The following TMEM117 variants were observed in gnomAD, a reference collection of about 807,000 sequenced individuals.
TMEM117 encodes transmembrane protein 117.
In TMEM117, 27 loss-of-function variants were observed where a neutral mutation model predicts 52.4. That is an observed-to-expected ratio of 0.51 (90% CI 0.38 to 0.71). TMEM117 has a LOEUF of 0.71. Ranked by LOEUF, TMEM117 falls within the 30% of genes least tolerant of loss-of-function variation. TMEM117 has a pLI of 0.00. For synonymous variants in TMEM117, 215 were observed against 206.3 expected, an observed-to-expected ratio of 1.04 and a Z score of -0.36; for missense variants, 556 against 630.5, an observed-to-expected ratio of 0.88 and a Z score of 1.26.
At chr12:43,881,423 T>C (rs1253289431) in intron 2 of TMEM117, among the ~76,000 whole-genome samples, 1 of 152,216 alleles carries the variant, frequency 6.6e-6, no homozygotes, top group Non-Finnish European at 1.5e-5. Flanking sequence ...TTATATTGAT[T>C]ATGTGTTGAC....
chr12:44,223,761 A>G (rs1949821965), intron 5 of TMEM117, among the ~76,000 whole-genome samples: 1 of 152,176 alleles, frequency 6.6e-6, no homozygotes, highest in Admixed American at 6.6e-5. Context: ...TCAGCCAACC[A>G]GAGCTTATAC....
chr12:43,942,499 G>A (rs981241451), intron 2 of TMEM117, among the ~76,000 whole-genome samples: 5 of 152,136 alleles, frequency 3.3e-5, no homozygotes, highest in South Asian at 4.1e-4. Context: ...TTAGTAGAAC[G>A]TTTTCCACTT....
At chr12:43,895,708 C>T (rs1731446) in intron 2 of TMEM117, among the ~76,000 whole-genome samples, 150,709 of 152,286 alleles carry the variant, frequency 0.99, 74,602 homozygotes, top group Non-Finnish European at 1. Context: ...TCTGGTGCTA[C>T]AATTTAGTCT....
chr12:44,136,641 C>T (rs1011975072), intron 3 of TMEM117, among the ~76,000 whole-genome samples: 1 of 151,934 alleles, frequency 6.6e-6, no homozygotes, highest in African/African-American at 2.4e-5. Flanking sequence ...CAAATTGGTG[C>T]ACTAAATCAT....
At chr12:44,128,617 C>T (rs1001596232) in intron 3 of TMEM117, among the ~76,000 whole-genome samples, 1 of 152,138 alleles carries the variant, frequency 6.6e-6, no homozygotes, top group Non-Finnish European at 1.5e-5. Context: ...GCTTTTCTTT[C>T]AGGGCTGGGT....
intron 2 of TMEM117, among the ~76,000 whole-genome samples, chr12:43,894,578 T>G (rs550143028): frequency 1.3e-5 from 2 of 152,094 alleles, no homozygotes; most frequent in Non-Finnish European, 2.9e-5. Context: ...TAGGCCCCAG[T>G]GTATACTGCT....
chr12:44,105,234 T>C lies in TMEM117; in HGVS notation c.411-38291T>C, dbSNP rs144028884. On this transcript the variant is annotated intron_variant, in intron 3 of 7. Coordinates refer to ENST00000266534, the MANE Select transcript of TMEM117 (RefSeq NM_032256.3). ...ACATAGCCTCAAGCACAGAGAGTCT[T>C]TCCTCAAGTGTTCCTAGTTTACTAA... Among the ~76,000 whole-genome samples, 788 of 152,098 alleles carry C rather than the reference T, an allele frequency of 5.2e-3. 5 individuals are homozygous for C. Among genetic ancestry groups the C allele is most frequent in the Non-Finnish European group, 8.7e-3 (589 of 67,938 alleles).
chr12:44,259,681 C>T (rs1950299199), intron 5 of TMEM117, among the ~76,000 whole-genome samples: 1 of 152,066 alleles, frequency 6.6e-6, no homozygotes. Flanking sequence ...TGTTTCCATG[C>T]ATCCTTATTG....
chr12:43,820,362 C>T, the TMEM117 span, among the ~76,000 whole-genome samples: 1 of 152,208 alleles, frequency 6.6e-6, no homozygotes, highest in Non-Finnish European at 1.5e-5. Context: ...CAAGCTCCGC[C>T]TCCCGGGTTC....
At chr12:44,243,059 A>C (rs1421078733) in intron 5 of TMEM117, among the ~76,000 whole-genome samples, 2 of 151,950 alleles carry the variant, frequency 1.3e-5, no homozygotes, top group Non-Finnish European at 2.9e-5. Context: ...TCTTCTTTTG[A>C]AAAATGTCTG....
At chr12:43,926,383 G>A (rs1209504280) in intron 2 of TMEM117, among the ~76,000 whole-genome samples, 7 of 152,100 alleles carry the variant, frequency 4.6e-5, no homozygotes. Flanking sequence ...AAATCCAGTA[G>A]TTACATTGCT....
chr12:44,372,382 A>G (rs1951875955), intron 6 of TMEM117, among the ~76,000 whole-genome samples: 1 of 152,154 alleles, frequency 6.6e-6, no homozygotes, highest in African/African-American at 2.4e-5. Context: ...ACACTTCTAT[A>G]CAATCTGTAT....
chr12:43,854,715 C>T (rs1943370044), intron 2 of TMEM117, among the ~76,000 whole-genome samples: 1 of 152,120 alleles, frequency 6.6e-6, no homozygotes, highest in South Asian at 2.1e-4. Flanking sequence ...CGGCTCACTG[C>T]AACCTCTGCC....
At chr12:43,964,008 C>T (rs1945445404) in intron 3 of TMEM117, among the ~76,000 whole-genome samples, 1 of 152,032 alleles carries the variant, frequency 6.6e-6, no homozygotes, top group Admixed American at 6.6e-5. Context: ...TAGATTATGC[C>T]TCAGTAACAA....
intron 2 of TMEM117, among the ~76,000 whole-genome samples, chr12:43,923,685 T>C (rs763156603): frequency 6.6e-6 from 1 of 152,208 alleles, no homozygotes; most frequent in African/African-American, 2.4e-5. Context: ...AGTAAAAATA[T>C]ATAAGATAAT....
chr12:44,060,467 G>T (rs1463722319), intron 3 of TMEM117, among the ~76,000 whole-genome samples: 1 of 152,124 alleles, frequency 6.6e-6, no homozygotes, highest in Non-Finnish European at 1.5e-5. Flanking sequence ...GTTTAACCTA[G>T]TGTTTCTGGG....
chr12:43,840,548 TC>T (rs1466547601), intron 1 of TMEM117, among the ~76,000 whole-genome samples: 2 of 152,234 alleles, frequency 1.3e-5, no homozygotes, highest in African/African-American at 4.8e-5. Context: ...GGCAGGTTGC[TC>T]CACCTTCTCA....
intron 3 of TMEM117, among the ~76,000 whole-genome samples, chr12:43,945,717 G>T (rs1451758066): frequency 6.6e-6 from 1 of 152,196 alleles, no homozygotes; most frequent in African/African-American, 2.4e-5. Context: ...GGTATTTGTT[G>T]TGTGTTGAAA....
intron 5 of TMEM117, among the ~76,000 whole-genome samples, chr12:44,259,812 G>A (rs1256313047): frequency 3.3e-5 from 5 of 152,238 alleles, no homozygotes; most frequent in East Asian, 3.9e-4. Flanking sequence ...AAAGCAACAA[G>A]AACTCGTTAT....
Sources: allele counts gnomAD v4.1 joint callset (sites outside exome capture counted in the v4.1 genomes callset), GRCh38; gene constraint gnomAD v4.1.1; transcripts MANE v1.5; gene names NCBI Gene and HGNC (gene_info 2026-07-23, HGNC 2026-07-21).